The following EMX1 variants were observed in gnomAD, a reference collection of about 807,000 sequenced individuals.
The protein encoded by EMX1 is homeobox protein EMX1.
Under a neutral mutation model 20.1 loss-of-function variants are expected in EMX1, and 10 were observed. The ratio of observed to expected loss-of-function variants is 0.50; its 90% confidence interval spans 0.31 to 0.84. The LOEUF is 0.84. Ranked by LOEUF, EMX1 falls within the 40% of genes least tolerant of loss-of-function variation. EMX1 has a pLI of 0.05. For synonymous variants in EMX1, 250 were observed against 200.4 expected, an observed-to-expected ratio of 1.25 and a Z score of -2.09; for missense variants, 424 against 431.9, an observed-to-expected ratio of 0.98 and a Z score of 0.16.
intron 1 of EMX1, among the ~76,000 whole-genome samples, chr2:72,920,653 A>G (rs1037960415): frequency 6.6e-6 from 1 of 152,230 alleles, no homozygotes; most frequent in Non-Finnish European, 1.5e-5. Flanking sequence ...GAAAAGGAAC[A>G]TGTCTGCGCT....
At chr2:72,933,171 T>C (rs532094938) in intron 2 of EMX1, 1 of 152,476 alleles carries the variant, frequency 6.6e-6, no homozygotes, top group South Asian at 2.1e-4. Context: ...GGTTGGAGTC[T>C]CTAGCAGCGG....
At chr2:72,916,935 G>A (rs919247450), upstream of EMX1, 1 of 717,340 alleles carries the variant, frequency 1.4e-6, no homozygotes, top group Non-Finnish European at 2.6e-6. Flanking sequence ...CCCGCGCAGT[G>A]CCCCGCCTGG....
rs1559057463 is a variant in EMX1, at chr2:72,919,179, C to CCACA, written c.520+807_520+808insCACA. 6.7e-3 allele frequency among the ~76,000 whole-genome samples: 613 copies of CCACA among 91,668 alleles called. 1 individual carries two copies. Among genetic ancestry groups the CCACA allele is most frequent in the African/African-American group, 0.034 (597 of 17,566 alleles). 60.1% of individuals were successfully genotyped at this position (91,668 alleles called of 152,430 possible). A position where few individuals can be genotyped will look rare whatever the true frequency, so the allele number is the denominator to read the frequency against. ...TGCTAATAAAGATCCTCCACTGGCC[C>CCACA]TACACACACACACACACACACACAC... On this transcript the variant is annotated intron_variant, in intron 1 of 2. Coordinates refer to ENST00000258106, the MANE Select transcript of EMX1 (RefSeq NM_004097.3).
chr2:72,922,261 A>G (rs943603153), intron 1 of EMX1, among the ~76,000 whole-genome samples: 1 of 152,240 alleles, frequency 6.6e-6, no homozygotes, highest in Non-Finnish European at 1.5e-5. Flanking sequence ...TAACATTAAC[A>G]AGAAGCATTT....
At chr2:72,918,412 C>T in intron 1 of EMX1, 40 bp downstream of exon 1, 25 of 1,358,998 alleles carry the variant, frequency 1.8e-5, no homozygotes, top group Non-Finnish European at 2.3e-5. Context: ...GGCCGGCCGG[C>T]GCCCGTGCTG....
intron 2 of EMX1, among the ~76,000 whole-genome samples, chr2:72,931,939 C>G (rs1295747772): frequency 6.6e-6 from 1 of 152,226 alleles, no homozygotes; most frequent in Non-Finnish European, 1.5e-5. Context: ...GTAGGTGGGA[C>G]AGAGAGGACT....
rs1274516692 is a variant in EMX1 at position 72,934,856 on chromosome 2, C to T, written c.*902C>T. 1 of 152,172 alleles carries T rather than the reference C, an allele frequency of 6.6e-6. No individual in the cohort carries two copies. Among genetic ancestry groups the T allele is most frequent in the Non-Finnish European group, 1.5e-5 (1 of 68,076 alleles). 9.4% of individuals were successfully genotyped at this position (152,172 alleles called of 1,614,324 possible). A position where few individuals can be genotyped will look rare whatever the true frequency, so the allele number is the denominator to read the frequency against. On this transcript the variant is annotated 3_prime_UTR_variant, in exon 3 of 3. Coordinates refer to ENST00000258106, the MANE Select transcript of EMX1 (RefSeq NM_004097.3). ...GCAGGTTGAGACTGCAGAGACAGGG[C>T]TTAAGGCTGAGCCTGCAACCAGTCC...
chr2:72,929,973 CA>C (rs1223981075), intron 2 of EMX1, among the ~76,000 whole-genome samples: 1 of 152,176 alleles, frequency 6.6e-6, no homozygotes, highest in African/African-American at 2.4e-5. Flanking sequence ...GTGGCCAATC[CA>C]ATTTACCATG....
Position 72,934,115 on chromosome 2 carries a change from G to T in EMX1, c.*161G>T. Reference sequence around the variant, plus strand: ...AAGCCCGGGGCCGCCATTGACAGAGGGACAAGCAATGGGCTGGCTGAGGCC... The same window carrying T: ...AAGCCCGGGGCCGCCATTGACAGAGTGACAAGCAATGGGCTGGCTGAGGCC... On this transcript the variant is annotated 3_prime_UTR_variant, in exon 3 of 3. Coordinates refer to ENST00000258106, the MANE Select transcript of EMX1 (RefSeq NM_004097.3). 3.8e-6 allele frequency: 4 copies of T among 1,058,428 alleles called. No homozygotes were observed. Among genetic ancestry groups the T allele is most frequent in the Non-Finnish European group, 5.3e-6 (4 of 755,632 alleles). The allele number at this position is 1,058,428 out of a possible 1,614,324, so 65.6% of individuals were successfully genotyped here.
At chr2:72,920,219 A>C (rs1375771756) in intron 1 of EMX1, among the ~76,000 whole-genome samples, 1 of 152,156 alleles carries the variant, frequency 6.6e-6, no homozygotes, top group East Asian at 1.9e-4. Context: ...TCCGGCTCTG[A>C]GCGTCTCCAG....
chr2:72,932,083 G>A (rs1355677905), intron 2 of EMX1, among the ~76,000 whole-genome samples: 2 of 152,224 alleles, frequency 1.3e-5, no homozygotes, highest in Non-Finnish European at 2.9e-5. Context: ...TCTGGGAGCA[G>A]GAGCAGTCTT....
upstream of EMX1, chr2:72,916,692 G>T: frequency 1.4e-6 from 1 of 717,058 alleles, no homozygotes; most frequent in South Asian, 1.5e-5. Flanking sequence ...AGATGGGCTC[G>T]GGCTACTTGG....
upstream of EMX1, chr2:72,916,487 A>T: frequency 3.4e-6 from 2 of 590,494 alleles, no homozygotes; most frequent in Non-Finnish European, 6.0e-6. Context: ...TGCGGCCTCG[A>T]AGGTGGGGTG....
At chr2:72,932,223 T>A (rs1381333713) in intron 2 of EMX1, among the ~76,000 whole-genome samples, 9 of 152,258 alleles carry the variant, frequency 5.9e-5, no homozygotes, top group Non-Finnish European at 1.2e-4. Flanking sequence ...TCTGCACAGC[T>A]GCAGTTGGCC....
At position 72,934,244 on chromosome 2, in the gene EMX1, T is replaced by G; in HGVS notation, c.*290T>G. 2.4e-6 allele frequency: 1 copy of G among 415,190 alleles called. No homozygotes were observed. Among genetic ancestry groups the G allele is most frequent in the Admixed American group, 4.1e-5 (1 of 24,460 alleles). The allele number at this position is 415,190 out of a possible 1,614,324, so 25.7% of individuals were successfully genotyped here. A position where few individuals can be genotyped will look rare whatever the true frequency, so the allele number is the denominator to read the frequency against. On this transcript the variant is annotated 3_prime_UTR_variant, in exon 3 of 3. Transcript: ENST00000258106. ...TCCGTGTCTCCAATCTCCCTTTTGTTTTGATGCATTTCTGTTTTAATTTAT... is the reference window on the plus strand; with the variant it reads ...TCCGTGTCTCCAATCTCCCTTTTGTGTTGATGCATTTCTGTTTTAATTTAT...
At chr2:72,918,452 CG>C in intron 1 of EMX1, 80 bp downstream of exon 1, 1 of 1,343,506 alleles carries the variant, frequency 7.4e-7, no homozygotes, top group Non-Finnish European at 9.5e-7. Flanking sequence ...CGGGGGCGCG[CG>C]GGGCTGTTTA....
rs1355448594 is a variant in EMX1, at chr2:72,917,876, C to T, written c.24C>T (p.Pro8=). The T allele has an allele frequency of 1.4e-5, 21 of 1,477,766 alleles. No individual in the cohort carries two copies. Among genetic ancestry groups the T allele is most frequent in the Admixed American group, 2.3e-5 (1 of 42,980 alleles). The allele number at this position is 1,477,766 out of a possible 1,614,324, so 91.5% of individuals were successfully genotyped here. A position where few individuals can be genotyped will look rare whatever the true frequency, so the allele number is the denominator to read the frequency against. Reference sequence around the variant, plus strand: ...GCATGTGCCTGGCTGGGTGCACACCCCGCAAGGCGGCGGCGCCAGGACGCG... The same window carrying T: ...GCATGTGCCTGGCTGGGTGCACACCTCGCAAGGCGGCGGCGCCAGGACGCG... The part of the protein sequence containing the change: MCLAGCT[P]RKAAAPGRGA... The change falls in exon 1 of 3, where the codon CCC becomes CCT. Residue 8 remains proline, a synonymous_variant. Transcript: ENST00000258106.
Position 72,934,218 on chromosome 2 carries a change from C to G in EMX1, c.*264C>G. Reference sequence around the variant, plus strand: ...CCGCCACCGCAGCCTCCCAGCTGCTCTCCGTGTCTCCAATCTCCCTTTTGT... The same window carrying G: ...CCGCCACCGCAGCCTCCCAGCTGCTGTCCGTGTCTCCAATCTCCCTTTTGT... On this transcript the variant is annotated 3_prime_UTR_variant, in exon 3 of 3. Coordinates refer to ENST00000258106, the MANE Select transcript of EMX1 (RefSeq NM_004097.3). 2.0e-6 allele frequency: 1 copy of G among 494,684 alleles called. No individual in the cohort carries two copies. Among genetic ancestry groups the G allele is most frequent in the South Asian group, 3.2e-5 (1 of 31,268 alleles). 30.6% of individuals were successfully genotyped at this position (494,684 alleles called of 1,614,324 possible). A position where few individuals can be genotyped will look rare whatever the true frequency, so the allele number is the denominator to read the frequency against.
rs566195799 is a variant in EMX1, at chr2:72,924,994, G to C, written c.705+501G>C. Among the ~76,000 whole-genome samples, 94 of 152,386 alleles carry C rather than the reference G, an allele frequency of 6.2e-4. 1 individual carries two copies. In the South Asian group the frequency reaches 0.018, roughly 30 times the overall value. On this transcript the variant is annotated intron_variant, in intron 2 of 2. Coordinates refer to ENST00000258106, the MANE Select transcript of EMX1 (RefSeq NM_004097.3). ...GGCCTTGGCTGCCCACCAGCCAGGA[G>C]CGTCTGGGGAGAAAGCCCAGGTGTC... is the stretch of plus-strand genomic sequence containing the variant.
Sources: allele counts gnomAD v4.1 joint callset (sites outside exome capture counted in the v4.1 genomes callset), GRCh38; gene constraint gnomAD v4.1.1; transcripts MANE v1.5; gene names NCBI Gene and HGNC (gene_info 2026-07-23, HGNC 2026-07-21).